Variants in PCDHGB3 observed in about 807,000 individuals in gnomAD.
PCDHGB3 encodes the protein protocadherin gamma subfamily B, 3, also known as protocadherin gamma-B3.
Under a neutral mutation model 59.2 loss-of-function variants are expected in PCDHGB3, and 40 were observed. That is an observed-to-expected ratio of 0.68 (90% CI 0.52 to 0.88). The LOEUF is 0.88. Ranked by LOEUF, PCDHGB3 falls within the 40% of genes least tolerant of loss-of-function variation. The probability of loss-of-function intolerance (pLI) is 0.00; values close to 1 mark genes in which losing one functional copy is unlikely to be tolerated. For synonymous variants in PCDHGB3, 581 were observed against 503.6 expected (o/e 1.15, Z -2.06); for missense variants, 1,309 against 1,187.9 (o/e 1.10, Z -1.50).
intron 1 of PCDHGB3, chr5:141,395,206 A>T: frequency 1.9e-6 from 3 of 1,613,736 alleles, no homozygotes; most frequent in Non-Finnish European, 2.5e-6. Flanking sequence ...GTAGATTTTC[A>T]TGAATATAAG....
chr5:141,390,601 C>T, intron 1 of PCDHGB3: 1 of 317,490 alleles, frequency 3.1e-6, no homozygotes. Context: ...TTTTCCTATA[C>T]ATTTTCCTTC....
At chr5:141,467,924 G>A (rs2099154404) in intron 1 of PCDHGB3, among the ~76,000 whole-genome samples, 1 of 152,042 alleles carries the variant, frequency 6.6e-6, no homozygotes, top group Non-Finnish European at 1.5e-5. Context: ...CTCCCAAAAT[G>A]CTAGGATTAC....
intron 1 of PCDHGB3, chr5:141,405,012 C>T (rs748403581): frequency 1.2e-6 from 2 of 1,614,018 alleles, no homozygotes; most frequent in Non-Finnish European, 8.5e-7. Context: ...CTGGAGGCCT[C>T]AGACCTTACC....
intron 1 of PCDHGB3, chr5:141,415,642 A>T (rs1418546981): frequency 6.0e-6 from 5 of 831,836 alleles, no homozygotes; most frequent in Middle Eastern, 2.6e-4. Flanking sequence ...TACTTTTGTT[A>T]AAAAAAAAAA....
chr5:141,384,053 C>T (rs1329974843), intron 1 of PCDHGB3: 1 of 1,610,750 alleles, frequency 6.2e-7, no homozygotes, highest in Non-Finnish European at 8.5e-7. Context: ...GTGACCTGCA[C>T]CATTCCAGAA....
chr5:141,477,705 G>A lies in PCDHGB3; in HGVS notation c.2416-17102G>A, dbSNP rs1285254654. On this transcript the variant is annotated intron_variant, in intron 1 of 3. Coordinates refer to ENST00000576222, the MANE Select transcript of PCDHGB3 (RefSeq NM_018924.5). The surrounding 1 kb of genome is among the most constrained non-coding windows in gnomAD (Gnocchi z 4.9). ...TTAGTGCCCCTAGACTATGAGGATCGGCGGGAATTTGAATTAACAGCTCAT... is the reference window on the plus strand; with the variant it reads ...TTAGTGCCCCTAGACTATGAGGATCAGCGGGAATTTGAATTAACAGCTCAT... The A allele has an allele frequency of 6.2e-7, 1 of 1,614,008 alleles. No homozygotes were observed. Among genetic ancestry groups the A allele is most frequent in the Non-Finnish European group, 8.5e-7 (1 of 1,180,048 alleles).
chr5:141,456,026 T>A (rs2098840894), intron 1 of PCDHGB3, among the ~76,000 whole-genome samples: 1 of 151,690 alleles, frequency 6.6e-6, no homozygotes, highest in African/African-American at 2.4e-5. Context: ...GCCTCCCGAG[T>A]AGCTGGGACT....
chr5:141,444,184 T>TG, intron 1 of PCDHGB3, among the ~76,000 whole-genome samples: 1 of 138,886 alleles, frequency 7.2e-6, no homozygotes, highest in South Asian at 2.4e-4. Flanking sequence ...TTTTTTTTTT[T>TG]TTTTGAGATG....
Position 141,511,464 on chromosome 5 carries a change from C to G in PCDHGB3, c.*291C>G. 1.9e-6 allele frequency: 1 copy of G among 538,254 alleles called. No individual in the cohort carries two copies. The highest frequency in any genetic ancestry group is 2.1e-5 in the South Asian group (1 of 47,028). The allele number at this position is 538,254 out of a possible 1,614,324, so 33.3% of individuals were successfully genotyped here. On this transcript the variant is annotated 3_prime_UTR_variant, in exon 4 of 4. Transcript: ENST00000576222. ...ACACCAAGAACCATTTGCCACACCC[C>G]GTTTAGTTACAGCTGAACTCCTCCA...
In PCDHGB3 at chr5:141,485,313, A is replaced by G. The variant is rs758628263; in HGVS notation, c.2416-9494A>G. On this transcript the variant is annotated intron_variant, in intron 1 of 3. Transcript: ENST00000576222. The surrounding 1 kb of genome is among the most constrained non-coding windows in gnomAD (Gnocchi z 5.7). Reference sequence around the variant, plus strand: ...TCACAGGAAGGGACTTTTGTAGGGAATGTCGCTCAAGATTTCCTGCTGGAT... The same window carrying G: ...TCACAGGAAGGGACTTTTGTAGGGAGTGTCGCTCAAGATTTCCTGCTGGAT... 1.2e-6 allele frequency: 2 copies of G among 1,614,186 alleles called. No individual in the cohort carries two copies. Among genetic ancestry groups the G allele is most frequent in the African/African-American group, 1.3e-5 (1 of 75,054 alleles).
intron 1 of PCDHGB3, chr5:141,412,659 C>T (rs1013218327): frequency 7.9e-5 from 12 of 152,212 alleles, no homozygotes; most frequent in African/African-American, 2.4e-4. Flanking sequence ...TACCTAGACA[C>T]TAATATGACC....
intron 1 of PCDHGB3, chr5:141,376,051 C>G (rs771320447): frequency 7.4e-6 from 12 of 1,613,344 alleles, no homozygotes; most frequent in Non-Finnish European, 9.3e-6. Context: ...CTCTCTCCGC[C>G]ACTGTCACGC....
intron 1 of PCDHGB3, among the ~76,000 whole-genome samples, chr5:141,437,411 T>C (rs1014219268): frequency 1.1e-4 from 17 of 152,222 alleles, no homozygotes; most frequent in African/African-American, 4.1e-4. Flanking sequence ...TCCAGAAGTA[T>C]TATGCTTTTT....
intron 1 of PCDHGB3, chr5:141,393,129 A>T (rs2150509668): frequency 1.2e-6 from 2 of 1,613,426 alleles, no homozygotes; most frequent in Non-Finnish European, 1.7e-6. Flanking sequence ...TCTGATAAAT[A>T]TTAACACCCT....
At chr5:141,374,162 G>A in intron 1 of PCDHGB3, 3 of 1,612,514 alleles carry the variant, frequency 1.9e-6, no homozygotes, top group Admixed American at 1.7e-5. Context: ...GTGGGGGGCC[G>A]CGGCAGCGCA....
In PCDHGB3 at chr5:141,371,069, C is replaced by T. The variant is rs1417206970; in HGVS notation, c.675C>T (p.Thr225=). 3.1e-6 allele frequency: 5 copies of T among 1,613,908 alleles called. No homozygotes were observed. Among genetic ancestry groups the T allele is most frequent in the South Asian group, 1.1e-5 (1 of 91,076 alleles). Residue 225 remains threonine, a synonymous_variant, in exon 1 of 4, where the codon ACC becomes ACT. Coordinates refer to ENST00000576222, the MANE Select transcript of PCDHGB3 (RefSeq NM_018924.5). ...GGGGCGAGCCCTCCAGAAGCTGTAC[C>T]ACCCAGATCAGGGTAATTGTCGCAG... The part of the protein sequence containing the change: ...VDGGEPSRSC[T]TQIRVIVADA...
chr5:141,451,322 T>C (rs1452969719), intron 1 of PCDHGB3, among the ~76,000 whole-genome samples: 1 of 152,236 alleles, frequency 6.6e-6, no homozygotes, highest in African/African-American at 2.4e-5. Flanking sequence ...AAGTGTCACC[T>C]AAGGCTATTG....
Position 141,486,862 on chromosome 5 carries a change from A to G in PCDHGB3, c.2416-7945A>G. The G allele has an allele frequency of 6.2e-7, 1 of 1,614,256 alleles. No individual in the cohort carries two copies. The highest frequency in any genetic ancestry group is 1.3e-5 in the African/African-American group (1 of 75,078). On this transcript the variant is annotated intron_variant, in intron 1 of 3. Transcript: ENST00000576222. This position sits in a 1 kb window ranked among gnomAD's most constrained non-coding sequence, Gnocchi z 5.0. Reference sequence around the variant, plus strand: ...TGCTGGACCTCAATGACAATGCTCCAGCTGTGCTCCGTCCTCGGGCCCGGC... The same window carrying G: ...TGCTGGACCTCAATGACAATGCTCCGGCTGTGCTCCGTCCTCGGGCCCGGC...
intron 1 of PCDHGB3, among the ~76,000 whole-genome samples, chr5:141,401,525 G>A (rs1055771013): frequency 6.6e-6 from 1 of 152,096 alleles, no homozygotes; most frequent in Non-Finnish European, 1.5e-5. Flanking sequence ...ATTACCAGAA[G>A]AAACTTACAA....
Sources: gnomAD v4.1 joint callset for allele counts (sites outside exome capture counted in the v4.1 genomes callset) on GRCh38, gnomAD v4.1.1 for gene constraint, Gnocchi (gnomAD v3.1) non-coding constraint, MANE v1.5 for transcripts, NCBI Gene and HGNC (gene_info 2026-07-23, HGNC 2026-07-21) for gene names.